SRD5A2: variants seen among roughly 807,000 people sequenced by gnomAD.
SRD5A2 encodes the protein steroid 5 alpha-reductase 2.
In SRD5A2, 30 loss-of-function variants were observed where a neutral mutation model predicts 27.4. That is an observed-to-expected ratio of 1.10 (90% confidence interval 0.82 to 1.49). The LOEUF is 1.49. Ranked by LOEUF, SRD5A2 falls within the 40% of genes most tolerant of loss-of-function variation. SRD5A2 has a pLI of 0.00. For missense variants in SRD5A2, 348 were observed against 323.4 expected, an observed-to-expected ratio of 1.08 and a Z score of -0.58; for synonymous variants, 141 against 133.6, an observed-to-expected ratio of 1.06 and a Z score of -0.38.
intron 2 of SRD5A2, among the ~76,000 whole-genome samples, chr2:31,532,240 T>C (rs1665922833): frequency 6.6e-6 from 1 of 152,248 alleles, no homozygotes; most frequent in Admixed American, 6.5e-5. Context: ...TTCTGAATTA[T>C]TCCCGTCACT....
intron 1 of SRD5A2, among the ~76,000 whole-genome samples, chr2:31,562,218 T>C (rs1666638238): frequency 6.6e-6 from 1 of 151,944 alleles, no homozygotes; most frequent in African/African-American, 2.4e-5. Context: ...TTTACAGGTC[T>C]TTTTTTTCCT....
At chr2:31,660,207 C>A in the SRD5A2 span, among the ~76,000 whole-genome samples, 2 of 151,874 alleles carry the variant, frequency 1.3e-5, no homozygotes, top group Admixed American at 6.6e-5. Context: ...ACTGAGACAC[C>A]ATTTCTTACT....
chr2:31,580,583 T>G lies in SRD5A2; in HGVS notation c.281+37A>C, dbSNP rs61750394. The stretch of plus-strand genomic sequence containing the variant: ...CTCCTGGACGCCGGGAGCAGGGCAG[T>G]GCGCTGCACTGGGCGCCCGCAAGGG... On this transcript the variant is annotated intron_variant, in intron 1 of 4. Coordinates refer to ENST00000622030, the MANE Select transcript of SRD5A2 (RefSeq NM_000348.4). 1.4e-6 allele frequency: 2 copies of G among 1,480,786 alleles called. No homozygotes were observed. The highest frequency in any genetic ancestry group is 1.8e-6 in the Non-Finnish European group (2 of 1,117,758). The allele number at this position is 1,480,786 out of a possible 1,614,324, so 91.7% of individuals were successfully genotyped here.
At chr2:31,652,320 G>C in the SRD5A2 span, among the ~76,000 whole-genome samples, 1 of 152,126 alleles carries the variant, frequency 6.6e-6, no homozygotes, top group African/African-American at 2.4e-5. Flanking sequence ...AAATTCTATT[G>C]GGAAATAGGC....
At chr2:31,608,698 T>C in the SRD5A2 span, among the ~76,000 whole-genome samples, 3 of 152,024 alleles carry the variant, frequency 2.0e-5, no homozygotes, top group South Asian at 2.1e-4. Flanking sequence ...AATACTTAGA[T>C]ATAAATTTAA....
At chr2:31,639,301 C>T in the SRD5A2 span, among the ~76,000 whole-genome samples, 2 of 152,100 alleles carry the variant, frequency 1.3e-5, no homozygotes, top group African/African-American at 2.4e-5. Flanking sequence ...GTCTCTTAAC[C>T]GGTTGCTGTA....
At chr2:31,661,642 C>A in the SRD5A2 span, among the ~76,000 whole-genome samples, 5 of 152,118 alleles carry the variant, frequency 3.3e-5, no homozygotes, top group Non-Finnish European at 5.9e-5. Context: ...TTGACTCTTA[C>A]GTTATTTAGT....
intron 1 of SRD5A2, among the ~76,000 whole-genome samples, chr2:31,578,167 T>C (rs548604170): frequency 1.7e-3 from 263 of 152,234 alleles, no homozygotes; most frequent in African/African-American, 6.0e-3. Context: ...TTAATATACT[T>C]AGATGTAATT....
the SRD5A2 span, among the ~76,000 whole-genome samples, chr2:31,623,820 T>C: frequency 1.3e-5 from 2 of 152,260 alleles, no homozygotes; most frequent in South Asian, 2.1e-4. Flanking sequence ...GAAGCAATGT[T>C]GAATTTTATT....
chr2:31,641,160 G>T, the SRD5A2 span, among the ~76,000 whole-genome samples: 1 of 152,166 alleles, frequency 6.6e-6, no homozygotes, highest in South Asian at 2.1e-4. Flanking sequence ...CTATGATGGG[G>T]AGCAAAGCCA....
intron 2 of SRD5A2, among the ~76,000 whole-genome samples, chr2:31,532,431 CTG>C (rs1665929988): frequency 6.6e-6 from 1 of 151,796 alleles, no homozygotes; most frequent in Non-Finnish European, 1.5e-5. Context: ...ACTACACACA[CTG>C]TTCACATTTT....
intron 1 of SRD5A2, among the ~76,000 whole-genome samples, chr2:31,544,952 G>T (rs1280423912): frequency 3.3e-5 from 5 of 151,460 alleles, no homozygotes; most frequent in African/African-American, 1.2e-4. Flanking sequence ...TAACCTACAT[G>T]AAAAAGTTCA....
intron 1 of SRD5A2, among the ~76,000 whole-genome samples, chr2:31,553,516 C>T (rs1041335169): frequency 6.6e-6 from 1 of 152,058 alleles, no homozygotes; most frequent in Non-Finnish European, 1.5e-5. Context: ...AAGAAATTGT[C>T]GAAGGCAGCA....
At chr2:31,607,641 G>T in the SRD5A2 span, among the ~76,000 whole-genome samples, 1 of 151,992 alleles carries the variant, frequency 6.6e-6, no homozygotes, top group Non-Finnish European at 1.5e-5. Flanking sequence ...AGTTCTTCTG[G>T]CTAAAAGGAA....
chr2:31,636,647 T>C, the SRD5A2 span, among the ~76,000 whole-genome samples: 3 of 152,042 alleles, frequency 2.0e-5, no homozygotes, highest in African/African-American at 7.2e-5. Flanking sequence ...ACTATGTCCC[T>C]CCTCTACCCA....
At chr2:31,648,788 C>T in the SRD5A2 span, among the ~76,000 whole-genome samples, 1 of 152,192 alleles carries the variant, frequency 6.6e-6, no homozygotes, top group East Asian at 1.9e-4. Context: ...ATAATCTTTT[C>T]TGAGCTTCAA....
chr2:31,640,467 G>A, the SRD5A2 span, among the ~76,000 whole-genome samples: 1 of 152,054 alleles, frequency 6.6e-6, no homozygotes, highest in East Asian at 1.9e-4. Context: ...TCTCTGACTG[G>A]CTTGTTTTGG....
chr2:31,656,606 A>G, the SRD5A2 span, among the ~76,000 whole-genome samples: 7 of 152,166 alleles, frequency 4.6e-5, no homozygotes, highest in Admixed American at 1.3e-4. Flanking sequence ...CCATTCTGCT[A>G]TATGAGAACA....
At chr2:31,628,445 T>G in the SRD5A2 span, among the ~76,000 whole-genome samples, 1 of 152,168 alleles carries the variant, frequency 6.6e-6, no homozygotes, top group Admixed American at 6.6e-5. Context: ...CTGTGTCTAT[T>G]AATTGGGGCA....
Sources: allele counts gnomAD v4.1 joint callset (sites outside exome capture counted in the v4.1 genomes callset), GRCh38; gene constraint gnomAD v4.1.1; transcripts MANE v1.5; gene names NCBI Gene and HGNC (gene_info 2026-07-23, HGNC 2026-07-21).